HMCN1: variants seen among roughly 807,000 people sequenced by gnomAD.
The protein encoded by HMCN1 is hemicentin 1, also known as hemicentin-1.
A neutral mutation model predicts 625.9 loss-of-function variants in HMCN1; 321 were observed. The observed-to-expected ratio is 0.51, with a 90% CI of 0.47 to 0.56. HMCN1 has a LOEUF of 0.56. Among genes scored for constraint, HMCN1 ranks in the 20% least tolerant of loss-of-function variants. The pLI is 0.00. For missense variants in HMCN1, 6,588 were observed against 6,887.3 expected, an observed-to-expected ratio of 0.96 and a Z score of 1.54; for synonymous variants, 2,425 against 2,417.6, an observed-to-expected ratio of 1.00 and a Z score of -0.09.
intron 6 of HMCN1, among the ~76,000 whole-genome samples, chr1:185,919,374 C>G (rs995350996): frequency 1.6e-4 from 24 of 152,082 alleles, no homozygotes; most frequent in Non-Finnish European, 5.9e-5. Flanking sequence ...GTTGATTATA[C>G]CTTTTTGTAC....
chr1:186,119,401 A>G (rs984088982), intron 78 of HMCN1, 103 bp downstream of exon 78: 12 of 893,948 alleles, frequency 1.3e-5, no homozygotes, highest in South Asian at 2.7e-5. Context: ...GCTATGAACC[A>G]TAGTAATATC....
chr1:186,074,348 TAAAG>T (rs1398093494), intron 52 of HMCN1, among the ~76,000 whole-genome samples: 2 of 146,834 alleles, frequency 1.4e-5, no homozygotes, highest in African/African-American at 2.5e-5. Flanking sequence ...CAATCTTTCA[TAAAG>T]AAATTCTAAC....
chr1:186,012,162 A>G (rs2102118362), intron 30 of HMCN1, among the ~76,000 whole-genome samples: 1 of 152,216 alleles, frequency 6.6e-6, no homozygotes, highest in Non-Finnish European at 1.5e-5. Context: ...GAATAATACA[A>G]TGAAAAAACA....
At chr1:186,019,815 T>G (rs755099626) in intron 35 of HMCN1, 120 bp downstream of exon 35, 23 of 735,422 alleles carry the variant, frequency 3.1e-5, no homozygotes, top group Non-Finnish European at 4.7e-5. Flanking sequence ...GAAAATTTAT[T>G]AAAAATAATA....
chr1:185,776,660 T>C (rs1571334351), intron 1 of HMCN1, among the ~76,000 whole-genome samples: 1 of 152,268 alleles, frequency 6.6e-6, no homozygotes, highest in Middle Eastern at 3.4e-3. Context: ...AATAGGGTCA[T>C]TGTGAGAGTG....
Position 186,076,389 on chromosome 1 carries a change from A to G in HMCN1, c.8291-39A>G, listed in dbSNP as rs1231141505. ...ACACAGCCAAGATCTTTGTTTAAGC[A>G]TTTATATGTGACCAACATTTAATGC... On this transcript the variant is annotated intron_variant, in intron 53 of 106. Coordinates refer to ENST00000271588, the MANE Select transcript of HMCN1 (RefSeq NM_031935.3). The G allele has an allele frequency of 5.1e-6, 8 of 1,573,704 alleles. No individual in the cohort carries two copies. The South Asian group carries it at 6.7e-5, about 13-fold the overall frequency.
At chr1:185,895,997 G>A (rs986592854) in intron 4 of HMCN1, among the ~76,000 whole-genome samples, 1 of 151,304 alleles carries the variant, frequency 6.6e-6, no homozygotes, top group Non-Finnish European at 1.5e-5. Flanking sequence ...GTGCAGTGGC[G>A]CAATCTCGGC....
chr1:186,153,441 A>G (rs1022272660), intron 96 of HMCN1, among the ~76,000 whole-genome samples: 1 of 152,192 alleles, frequency 6.6e-6, no homozygotes, highest in Admixed American at 6.5e-5. Context: ...GCAGATCCAC[A>G]TTCAGATCCT....
At chr1:186,024,708 T>C (rs1194711510) in intron 36 of HMCN1, among the ~76,000 whole-genome samples, 1 of 152,200 alleles carries the variant, frequency 6.6e-6, no homozygotes, top group Admixed American at 6.5e-5. Flanking sequence ...TCCCACTTCA[T>C]AGACACTAAA....
rs958752930 is a variant in HMCN1, at chr1:186,100,214, G to C, written c.10574-3258G>C. The stretch of plus-strand genomic sequence containing the variant: ...TTTAATAAAGTTGAAGAGTTTATAA[G>C]AATAATAATTTCTCAAAACAGATTT... On this transcript the variant is annotated intron_variant, in intron 68 of 106. Transcript: ENST00000271588. Among the ~76,000 whole-genome samples, 12 of 152,210 alleles carry C rather than the reference G, an allele frequency of 7.9e-5. 1 individual carries two copies. The highest frequency in any genetic ancestry group is 2.6e-4 in the African/African-American group (11 of 41,538).
At position 186,057,640 on chromosome 1, in the gene HMCN1, C is replaced by T. The variant is rs561431348; in HGVS notation, c.7312+239C>T. 5.9e-5 allele frequency among the ~76,000 whole-genome samples: 9 copies of T among 152,044 alleles called. 1 individual carries two copies. In the South Asian group the frequency reaches 6.2e-4, roughly 11 times the overall value. ...AACAAATCTTGGCACTCGCTGATTACGACAGTCATGGAGATGTCAAAGCAT... is the reference window on the plus strand; with the variant it reads ...AACAAATCTTGGCACTCGCTGATTATGACAGTCATGGAGATGTCAAAGCAT... On this transcript the variant is annotated intron_variant, in intron 46 of 106. Transcript: ENST00000271588.
At position 185,890,332 on chromosome 1, in the gene HMCN1, G is replaced by T. The variant is rs865790420; in HGVS notation, c.622-19005G>T. On this transcript the variant is annotated intron_variant, in intron 4 of 106. Transcript: ENST00000271588. The stretch of plus-strand genomic sequence containing the variant: ...TCCTTCAGTTCTGCTCTGATTTTAG[G>T]TATTTCTTGCCTTCTGCTAGCTTTT... 2.6e-4 allele frequency among the ~76,000 whole-genome samples: 39 copies of T among 147,960 alleles called. 2 individuals carry two copies. The highest frequency in any genetic ancestry group is 8.8e-4 in the African/African-American group (33 of 37,492).
intron 46 of HMCN1, among the ~76,000 whole-genome samples, chr1:186,061,566 AAG>A (rs1657701990): frequency 6.6e-6 from 1 of 152,198 alleles, no homozygotes; most frequent in Non-Finnish European, 1.5e-5. Context: ...CTTATCTTTT[AAG>A]ATCATATTCA....
At chr1:185,953,507 G>C (rs1649389181) in intron 11 of HMCN1, among the ~76,000 whole-genome samples, 1 of 151,868 alleles carries the variant, frequency 6.6e-6, no homozygotes, top group Non-Finnish European at 1.5e-5. Context: ...AAAATGAAAG[G>C]AATTGAAATT....
chr1:185,928,792 C>T, intron 10 of HMCN1, 125 bp downstream of exon 10: 1 of 1,065,970 alleles, frequency 9.4e-7, no homozygotes, highest in Non-Finnish European at 1.4e-6. Context: ...TCTATCTCTC[C>T]ACTGAATTGA....
intron 89 of HMCN1, among the ~76,000 whole-genome samples, chr1:186,142,536 AG>A (rs1428904672): frequency 6.6e-6 from 1 of 152,222 alleles, no homozygotes; most frequent in Admixed American, 6.5e-5. Context: ...GTGGGATTGC[AG>A]GGTCAAATGG....
chr1:185,965,329 G>A (rs182543028), intron 13 of HMCN1, among the ~76,000 whole-genome samples: 2 of 152,080 alleles, frequency 1.3e-5, no homozygotes, highest in African/African-American at 2.4e-5. Flanking sequence ...TTAAAATGAC[G>A]TAGAAAATGT....
At chr1:186,114,711 G>A in intron 73 of HMCN1, 108 bp from the exon 74 acceptor site, 1 of 1,353,872 alleles carries the variant, frequency 7.4e-7, no homozygotes, top group South Asian at 1.2e-5. Context: ...TCTGAAACAG[G>A]AAAAATACTG....
chr1:185,863,316 C>G (rs1224554564), intron 2 of HMCN1, among the ~76,000 whole-genome samples: 3 of 152,066 alleles, frequency 2.0e-5, no homozygotes, highest in African/African-American at 7.2e-5. Flanking sequence ...TGTTGGATGC[C>G]CAAATCTCAG....
Sources: gnomAD v4.1 joint callset for allele counts (sites outside exome capture counted in the v4.1 genomes callset) on GRCh38, gnomAD v4.1.1 for gene constraint, MANE v1.5 for transcripts, NCBI Gene and HGNC (gene_info 2026-07-23, HGNC 2026-07-21) for gene names.